Variants in PATJ observed in about 807,000 individuals in gnomAD.
PATJ encodes the protein PATJ crumbs cell polarity complex component, also known as inaD-like protein.
A neutral mutation model predicts 224.9 loss-of-function variants in PATJ; 190 were observed. The ratio of observed to expected loss-of-function variants is 0.84; its 90% CI spans 0.75 to 0.95. PATJ has a LOEUF of 0.95. PATJ is among the 40% of genes least tolerant of loss of function. PATJ has a pLI of 0.00. For missense variants in PATJ, 2,121 were observed against 2,270.3 expected (o/e 0.93, Z 1.34); for synonymous variants, 769 against 820.3 (o/e 0.94, Z 1.07).
At chr1:61,917,122 A>G (rs1673564376) in intron 26 of PATJ, among the ~76,000 whole-genome samples, 1 of 152,192 alleles carries the variant, frequency 6.6e-6, no homozygotes, top group Non-Finnish European at 1.5e-5. Flanking sequence ...TTGGTTTTGC[A>G]AAGATGGTCT....
chr1:62,035,031 G>A (rs1207202755), intron 29 of PATJ, among the ~76,000 whole-genome samples: 3 of 152,112 alleles, frequency 2.0e-5, no homozygotes, highest in Non-Finnish European at 4.4e-5. Flanking sequence ...GTTGGCTTTC[G>A]GCCCTAAGCT....
intron 23 of PATJ, 52 bp from the exon 24 acceptor site, chr1:61,901,230 C>A: frequency 1.7e-6 from 2 of 1,170,232 alleles, no homozygotes; most frequent in Non-Finnish European, 2.3e-6. Context: ...TACTTACAGT[C>A]CAACAGATTA....
At chr1:62,131,000 T>C (rs931681575) in intron 41 of PATJ, among the ~76,000 whole-genome samples, 7 of 152,204 alleles carry the variant, frequency 4.6e-5, no homozygotes, top group Admixed American at 3.3e-4. Context: ...GTCAGTTTAC[T>C]ATCACACTAG....
At chr1:62,035,499 C>G (rs1252471280) in intron 29 of PATJ, among the ~76,000 whole-genome samples, 1 of 152,074 alleles carries the variant, frequency 6.6e-6, no homozygotes, top group African/African-American at 2.4e-5. Flanking sequence ...AAGTGATTTC[C>G]CCAAAGTCAC....
chr1:62,080,021 C>T (rs913621910), intron 32 of PATJ, among the ~76,000 whole-genome samples: 1 of 147,782 alleles, frequency 6.8e-6, no homozygotes, highest in Non-Finnish European at 1.5e-5. Context: ...GAGTGAGACT[C>T]TGTCTCAAAA....
At chr1:62,139,422 A>G (rs1667275643) in intron 41 of PATJ, among the ~76,000 whole-genome samples, 1 of 135,380 alleles carries the variant, frequency 7.4e-6, no homozygotes, top group Non-Finnish European at 1.7e-5. Flanking sequence ...AAAAAAAAAA[A>G]AAAAGAGCAA....
intron 17 of PATJ, 93 bp downstream of exon 17, chr1:61,833,878 T>A: frequency 1.8e-6 from 2 of 1,113,564 alleles, no homozygotes; most frequent in Non-Finnish European, 2.5e-6. Flanking sequence ...CCTATTGACT[T>A]AAGCAAAACT....
intron 17 of PATJ, 23 bp from the exon 18 acceptor site, chr1:61,856,007 C>T (rs2148908274): frequency 6.3e-7 from 1 of 1,585,468 alleles, no homozygotes; most frequent in South Asian, 1.1e-5. Context: ...TGGACTCATC[C>T]TTCTTCTTTG....
At chr1:62,105,111 A>C (rs1227407675) in intron 33 of PATJ, among the ~76,000 whole-genome samples, 3 of 152,242 alleles carry the variant, frequency 2.0e-5, no homozygotes, top group Non-Finnish European at 4.4e-5. Context: ...TGAGTTCAGC[A>C]TTTGAAACTA....
chr1:61,824,835 G>A (rs985469197), intron 15 of PATJ, among the ~76,000 whole-genome samples: 5 of 152,098 alleles, frequency 3.3e-5, no homozygotes, highest in Admixed American at 3.3e-4. Flanking sequence ...GAAAGTATAG[G>A]TGATCCCAGC....
Position 62,108,512 on chromosome 1 carries a change from A to G in PATJ, c.4453A>G (p.Ile1485Val). Residue 1485 changes from isoleucine (I) to valine (V), a missense_variant, in exon 34 of 44, where the codon ATA becomes GTA. Coordinates refer to ENST00000642238, the MANE Select transcript of PATJ (RefSeq NM_001350145.3). Reference sequence around the variant, plus strand: ...TGGAAGACTTTGGGCTGGTGACCAGATATTAGAGGTATATGGTTTTGAATT... The same window carrying G: ...TGGAAGACTTTGGGCTGGTGACCAGGTATTAGAGGTATATGGTTTTGAATT... ...RDGRLWAGDQ[I>V]LEVNGVDLRN... The G allele has an allele frequency of 6.2e-7, 1 of 1,602,384 alleles. No homozygotes were observed. The highest frequency in any genetic ancestry group is 8.5e-7 in the Non-Finnish European group (1 of 1,170,610).
chr1:61,922,886 A>G (rs1488272735), intron 26 of PATJ, among the ~76,000 whole-genome samples: 1 of 152,266 alleles, frequency 6.6e-6, no homozygotes, highest in Non-Finnish European at 1.5e-5. Flanking sequence ...CTGTGGGGAC[A>G]CAGACAATGA....
chr1:61,805,058 CA>C (rs1300097900), intron 12 of PATJ, among the ~76,000 whole-genome samples: 1 of 152,156 alleles, frequency 6.6e-6, no homozygotes, highest in African/African-American at 2.4e-5. Flanking sequence ...AAGTGATTAA[CA>C]TTTAAATTAA....
intron 27 of PATJ, among the ~76,000 whole-genome samples, chr1:61,932,278 G>A (rs1676147628): frequency 1.3e-5 from 2 of 151,844 alleles, no homozygotes; most frequent in Admixed American, 6.6e-5. Flanking sequence ...TTATACTTCC[G>A]ATCCAGAGAC....
chr1:61,959,991 C>T (rs1323298576), intron 27 of PATJ, among the ~76,000 whole-genome samples: 1 of 151,844 alleles, frequency 6.6e-6, no homozygotes, highest in African/African-American at 2.4e-5. Context: ...GCACTGCACC[C>T]TAGCATGGAC....
At position 62,033,734 on chromosome 1, in the gene PATJ, C is replaced by A. The variant is rs538655223; in HGVS notation, c.3960-4243C>A. 1.1e-4 allele frequency among the ~76,000 whole-genome samples: 17 copies of A among 152,340 alleles called. No homozygotes were observed. The South Asian group carries it at 3.5e-3, about 32-fold the overall frequency. ...TACAGGCAGCACAGCCTCACTAACT[C>A]ATGGAAACAGCTCAGAAAGCATGGG... On this transcript the variant is annotated intron_variant, in intron 29 of 43. Transcript: ENST00000642238.
In PATJ at chr1:61,766,359, C is replaced by T. The variant is rs1286835; in HGVS notation, c.270C>T (p.Ile90=). Residue 90 remains isoleucine (I), a synonymous_variant, in exon 4 of 44, where the codon ATC becomes ATT. Transcript: ENST00000642238. The part of the protein sequence containing the change: ...KGLLVFTDGS[I]TNGNVHRPSN... ...TGTTAGTGTTCACAGATGGTTCCAT[C>T]ACTAATGGAAATGTCCACAGGCCCT... 1,561,983 of 1,610,778 alleles carry T rather than the reference C, an allele frequency of 0.97. 759,739 individuals carry two copies. Among genetic ancestry groups the T allele is most frequent in the East Asian group, 1 (44,766 of 44,770 alleles).
At chr1:62,142,724 AGAAGG>A (rs764964099) in intron 41 of PATJ, among the ~76,000 whole-genome samples, 2 of 152,194 alleles carry the variant, frequency 1.3e-5, no homozygotes, top group African/African-American at 2.4e-5. Context: ...GCAGGCTTGT[AGAAGG>A]GAAGTGACAT....
Position 61,892,494 on chromosome 1 carries a change from T to C in PATJ, c.3132-7089T>C, listed in dbSNP as rs116806696. ...ACTTGTTTGCTCATGGGGTACTCTATCTCCACCCACCCCCCCAAATCTGTA... is the reference window on the plus strand; with the variant it reads ...ACTTGTTTGCTCATGGGGTACTCTACCTCCACCCACCCCCCCAAATCTGTA... On this transcript the variant is annotated intron_variant, in intron 22 of 43. Transcript: ENST00000642238. Among the ~76,000 whole-genome samples, 440 of 152,208 alleles carry C rather than the reference T, an allele frequency of 2.9e-3. 2 individuals carry two copies. The highest frequency in any genetic ancestry group is 0.01 in the African/African-American group (422 of 41,522).
Sources: gnomAD v4.1 joint callset for allele counts (sites outside exome capture counted in the v4.1 genomes callset) on GRCh38, gnomAD v4.1.1 for gene constraint, MANE v1.5 for transcripts, NCBI Gene and HGNC (gene_info 2026-07-23, HGNC 2026-07-21) for gene names.